The following DCAF6 variants were observed in gnomAD, a reference collection of about 807,000 sequenced individuals.
DCAF6 encodes the protein DDB1- and CUL4-associated factor 6.
In DCAF6, 54 loss-of-function variants were observed where a neutral mutation model predicts 125.1. That is an observed-to-expected ratio of 0.43 (90% confidence interval 0.35 to 0.54). The LOEUF is 0.54. Among genes scored for constraint, DCAF6 ranks in the 20% least tolerant of loss-of-function variants. The probability of loss-of-function intolerance (pLI) is 0.01; values close to 1 mark genes in which losing one functional copy is unlikely to be tolerated. For synonymous variants in DCAF6, 371 were observed against 390.4 expected (o/e 0.95, Z 0.58); for missense variants, 934 against 1,161.7 (o/e 0.80, Z 2.85).
chr1:167,870,317 C>T, the DCAF6 span: 1 of 1,613,978 alleles, frequency 6.2e-7, no homozygotes, highest in Non-Finnish European at 8.5e-7. Context: ...TTTTCCATAT[C>T]CTGGTAATCC....
the DCAF6 span, among the ~76,000 whole-genome samples, chr1:167,914,962 G>A: frequency 6.6e-6 from 1 of 152,282 alleles, no homozygotes; most frequent in South Asian, 2.1e-4. Context: ...GTGAGTTGTG[G>A]AAACCAGTCT....
At chr1:167,919,725 C>G in the DCAF6 span, among the ~76,000 whole-genome samples, 7 of 152,104 alleles carry the variant, frequency 4.6e-5, no homozygotes, top group Admixed American at 1.3e-4. Flanking sequence ...AACTAGGTAA[C>G]ATACTGCTTA....
At chr1:167,936,635 C>T, upstream of DCAF6, 1 of 384,204 alleles carries the variant, frequency 2.6e-6, no homozygotes, top group East Asian at 5.4e-5. Context: ...CCGCCTCCGC[C>T]TCCTCCTGTT....
At chr1:168,001,470 G>A (rs1682615706) in intron 7 of DCAF6, among the ~76,000 whole-genome samples, 1 of 152,048 alleles carries the variant, frequency 6.6e-6, no homozygotes, top group South Asian at 2.1e-4. Context: ...ACTGGTGACT[G>A]GTGAGAATGA....
chr1:167,999,133 T>TC (rs1682214841), intron 7 of DCAF6, among the ~76,000 whole-genome samples: 1 of 152,158 alleles, frequency 6.6e-6, no homozygotes, highest in Non-Finnish European at 1.5e-5. Flanking sequence ...CATGTACATC[T>TC]CCATCAGAGC....
chr1:167,878,720 A>G, the DCAF6 span: 10 of 1,377,226 alleles, frequency 7.3e-6, no homozygotes, highest in Non-Finnish European at 1.0e-5. Flanking sequence ...CCCAAATAGC[A>G]TTTTTACCCT....
At chr1:167,872,365 CT>C in the DCAF6 span, among the ~76,000 whole-genome samples, 2 of 129,006 alleles carry the variant, frequency 1.6e-5, no homozygotes, top group African/African-American at 6.0e-5. Flanking sequence ...CCTAAGGAAG[CT>C]TAAAAAAAAA....
chr1:167,982,783 A>G (rs1299713833), intron 4 of DCAF6, among the ~76,000 whole-genome samples: 1 of 152,144 alleles, frequency 6.6e-6, no homozygotes, highest in Non-Finnish European at 1.5e-5. Flanking sequence ...TAGGATTCTT[A>G]TAGTTCGAGG....
chr1:167,991,270 C>G lies in DCAF6; in HGVS notation c.619C>G (p.Leu207Val), dbSNP rs141191160. 1 of 1,613,342 alleles carries G rather than the reference C, an allele frequency of 6.2e-7. No individual in the cohort carries two copies. Among genetic ancestry groups the G allele is most frequent in the Non-Finnish European group, 8.5e-7 (1 of 1,179,858 alleles). ...TATTTGCCCACCAATACCATATTAC[C>G]TTGCTGTTGGTTGTTCTGACAGCTC... The part of the protein sequence containing the change: ...VAICPPIPYY[L>V]AVGCSDSSVR... Residue 207 changes from leucine (L) to valine (V), a missense_variant, in exon 6 of 22, where the codon CTT (leucine) becomes GTT (valine). Transcript: ENST00000367840.
Position 167,976,925 on chromosome 1 carries a change from C to T in DCAF6, c.438+1910C>T, listed in dbSNP as rs552842085. 7.7e-4 allele frequency among the ~76,000 whole-genome samples: 54 copies of T among 69,752 alleles called. 1 individual carries two copies. In the East Asian group the frequency reaches 0.021, roughly 28 times the overall value. The allele number at this position is 69,752 out of a possible 152,430, so 45.8% of individuals were successfully genotyped here. A position where few individuals can be genotyped will look rare whatever the true frequency, so the allele number is the denominator to read the frequency against. ...TTTTTTTTTTTTTTTTTTTTTGAGA[C>T]GGAGTTTCGCTCTTGTTGCCCAGGC... On this transcript the variant is annotated intron_variant, in intron 4 of 21. Transcript: ENST00000367840.
intron 4 of DCAF6, among the ~76,000 whole-genome samples, chr1:167,980,916 C>CT (rs71100920): frequency 0.2 from 22,384 of 113,650 alleles, 2,911 homozygotes; most frequent in Admixed American, 0.32. Flanking sequence ...TCTGAATTTT[C>CT]TTTTTTTTTT....
chr1:167,880,682 C>T, the DCAF6 span: 5 of 1,183,074 alleles, frequency 4.2e-6, no homozygotes, highest in Non-Finnish European at 6.3e-6. Context: ...GAAGGCTCAA[C>T]AGAGAGCCGG....
At chr1:168,042,531 C>G (rs758330322) in intron 13 of DCAF6, among the ~76,000 whole-genome samples, 2 of 151,814 alleles carry the variant, frequency 1.3e-5, no homozygotes, top group Non-Finnish European at 2.9e-5. Context: ...CATGTTTGAA[C>G]AGCAGATCAG....
At chr1:167,875,554 CAAT>C in the DCAF6 span, among the ~76,000 whole-genome samples, 2 of 152,222 alleles carry the variant, frequency 1.3e-5, no homozygotes, top group Non-Finnish European at 2.9e-5. Context: ...ATTGCTCAAA[CAAT>C]AATAGCGCGC....
In DCAF6 at chr1:168,035,816, A is replaced by G. The variant is rs538432423; in HGVS notation, c.1610-2555A>G. The stretch of plus-strand genomic sequence containing the variant: ...GGTGGCTCATGCCTGTAATCCCAGC[A>G]CTTTGGGAGGCCGAAGTGGGTGAAT... On this transcript the variant is annotated intron_variant, in intron 12 of 21. Coordinates refer to ENST00000367840, the MANE Select transcript of DCAF6 (RefSeq NM_001198956.2). Among the ~76,000 whole-genome samples, 6 of 152,310 alleles carry G rather than the reference A, an allele frequency of 3.9e-5. No individual in the cohort carries two copies. The East Asian group carries it at 1.2e-3, about 29-fold the overall frequency.
chr1:167,954,821 A>G (rs1674519763), intron 2 of DCAF6, among the ~76,000 whole-genome samples: 1 of 152,242 alleles, frequency 6.6e-6, no homozygotes, highest in South Asian at 2.1e-4. Context: ...ACTATTTGAT[A>G]TGTTTAACAC....
At chr1:167,875,135 C>G in the DCAF6 span, 1 of 1,613,924 alleles carries the variant, frequency 6.2e-7, no homozygotes, top group Non-Finnish European at 8.5e-7. Flanking sequence ...ACCTACCCAG[C>G]AAAGGGTAAT....
the DCAF6 span, among the ~76,000 whole-genome samples, chr1:167,887,374 G>A: frequency 1.3e-5 from 2 of 152,206 alleles, no homozygotes; most frequent in African/African-American, 4.8e-5. Context: ...CCATAAAAAG[G>A]ATGAGTTCAC....
chr1:167,921,415 T>C, the DCAF6 span, among the ~76,000 whole-genome samples: 3 of 152,030 alleles, frequency 2.0e-5, no homozygotes, highest in African/African-American at 7.2e-5. Flanking sequence ...AGAGACGGGG[T>C]TTCACCATGT....
Sources: gnomAD v4.1 joint callset for allele counts (sites outside exome capture counted in the v4.1 genomes callset) on GRCh38, gnomAD v4.1.1 for gene constraint, MANE v1.5 for transcripts, NCBI Gene and HGNC (gene_info 2026-07-23, HGNC 2026-07-21) for gene names.